The following TRHDE variants were observed in gnomAD, a reference collection of about 807,000 sequenced individuals.
The protein encoded by TRHDE is thyrotropin-releasing hormone-degrading ectoenzyme.
Under a neutral mutation model 125.7 loss-of-function variants are expected in TRHDE, and 72 were observed. The observed-to-expected ratio is 0.57, with a 90% CI of 0.47 to 0.70. The LOEUF (loss-of-function observed/expected upper bound fraction) is 0.70, where lower values mean the gene tolerates loss of function less well. Ranked by LOEUF, TRHDE falls within the 30% of genes least tolerant of loss-of-function variation. The pLI, the probability that TRHDE is intolerant of heterozygous loss-of-function variation, is 0.00. For synonymous variants in TRHDE, 509 were observed against 509.1 expected (o/e 1.00, Z 0.00); for missense variants, 1,110 against 1,327.1 (o/e 0.84, Z 2.54).
chr12:72,312,078 A>G (rs1467818379), intron 2 of TRHDE, among the ~76,000 whole-genome samples: 2 of 152,210 alleles, frequency 1.3e-5, no homozygotes, highest in Non-Finnish European at 2.9e-5. Flanking sequence ...ATCCTCACAA[A>G]AACCCTGAGA....
At chr12:72,654,453 C>G (rs1401405017) in intron 17 of TRHDE, among the ~76,000 whole-genome samples, 1 of 152,130 alleles carries the variant, frequency 6.6e-6, no homozygotes, top group Non-Finnish European at 1.5e-5. Flanking sequence ...TCCCACTCTG[C>G]AAGTTCTTCC....
At chr12:72,392,777 G>A (rs1872656181) in intron 3 of TRHDE, among the ~76,000 whole-genome samples, 1 of 152,098 alleles carries the variant, frequency 6.6e-6, no homozygotes, top group Non-Finnish European at 1.5e-5. Flanking sequence ...ACAAATCTCT[G>A]AAAGGCACTT....
At chr12:72,213,860 G>T (rs1322924811) in intron 2 of TRHDE, among the ~76,000 whole-genome samples, 2 of 152,064 alleles carry the variant, frequency 1.3e-5, no homozygotes, top group East Asian at 3.8e-4. Flanking sequence ...AACTGAGGGG[G>T]AAAATGAGCT....
intron 10 of TRHDE, among the ~76,000 whole-genome samples, chr12:72,568,968 C>A (rs1395825966): frequency 6.6e-6 from 1 of 151,936 alleles, no homozygotes; most frequent in Non-Finnish European, 1.5e-5. Context: ...ATAATTATAA[C>A]CTCAAAGAGA....
chr12:72,569,316 A>G (rs1468499613), intron 10 of TRHDE, among the ~76,000 whole-genome samples: 1 of 152,170 alleles, frequency 6.6e-6, no homozygotes, highest in Non-Finnish European at 1.5e-5. Context: ...TCTGTTTTCC[A>G]CTGAGTTAGA....
chr12:72,658,392 C>G (rs999285399), intron 18 of TRHDE, among the ~76,000 whole-genome samples: 3 of 152,120 alleles, frequency 2.0e-5, no homozygotes, highest in Non-Finnish European at 4.4e-5. Flanking sequence ...GAAGTGAGCA[C>G]AGAGCAAAAT....
chr12:72,275,647 C>G (rs913862780), intron 1 of TRHDE, among the ~76,000 whole-genome samples: 2 of 151,938 alleles, frequency 1.3e-5, no homozygotes, highest in African/African-American at 4.8e-5. Flanking sequence ...TTTGAAAAAT[C>G]CTGTTTTTTG....
chr12:72,466,709 C>T (rs1343255482), intron 3 of TRHDE, among the ~76,000 whole-genome samples: 1 of 152,144 alleles, frequency 6.6e-6, no homozygotes, highest in African/African-American at 2.4e-5. Context: ...CATTTGTTGT[C>T]GTCTCTTAGA....
intron 2 of TRHDE, among the ~76,000 whole-genome samples, chr12:72,115,471 C>T (rs1378510382): frequency 6.6e-6 from 1 of 152,034 alleles, no homozygotes; most frequent in Non-Finnish European, 1.5e-5. Context: ...TAGGTTGCTT[C>T]CAAATCTTGG....
intron 2 of TRHDE, among the ~76,000 whole-genome samples, chr12:72,307,792 T>G (rs1868371115): frequency 6.6e-6 from 1 of 152,186 alleles, no homozygotes; most frequent in Non-Finnish European, 1.5e-5. Flanking sequence ...ATCAGCTCAA[T>G]TTAAACTAAG....
chr12:72,158,040 T>C (rs1310265467), intron 2 of TRHDE, among the ~76,000 whole-genome samples: 1 of 152,074 alleles, frequency 6.6e-6, no homozygotes, highest in Non-Finnish European at 1.5e-5. Context: ...TGGGGAGTCA[T>C]ATAGGAAGAG....
chr12:72,422,345 T>G (rs1394315620), intron 3 of TRHDE, among the ~76,000 whole-genome samples: 2 of 152,178 alleles, frequency 1.3e-5, no homozygotes, highest in Non-Finnish European at 2.9e-5. Context: ...TTGCATTCCC[T>G]ACACAATCCT....
intron 15 of TRHDE, among the ~76,000 whole-genome samples, chr12:72,631,916 T>TAG (rs1376908446): frequency 2.0e-5 from 3 of 151,960 alleles, no homozygotes; most frequent in African/African-American, 7.2e-5. Context: ...GACAGTTCAT[T>TAG]AGAGATTAAG....
chr12:72,171,779 C>G (rs1876880122), intron 2 of TRHDE, among the ~76,000 whole-genome samples: 1 of 152,232 alleles, frequency 6.6e-6, no homozygotes, highest in South Asian at 2.1e-4. Context: ...CCTATGTTTC[C>G]CAAGAGCTCT....
intron 2 of TRHDE, chr12:72,257,623 T>A (rs1205324216): frequency 6.6e-6 from 1 of 152,196 alleles, no homozygotes; most frequent in African/African-American, 2.4e-5. Context: ...TGAATATTGC[T>A]GGAGATTTTA....
chr12:72,433,664 A>G (rs2135845932), intron 3 of TRHDE, among the ~76,000 whole-genome samples: 1 of 152,222 alleles, frequency 6.6e-6, no homozygotes, highest in African/African-American at 2.4e-5. Flanking sequence ...TCTCACACAT[A>G]CAAAAGCTAC....
chr12:72,578,388 T>C (rs1592549904), intron 12 of TRHDE, among the ~76,000 whole-genome samples: 1 of 152,266 alleles, frequency 6.6e-6, no homozygotes, highest in East Asian at 1.9e-4. Flanking sequence ...AAGAGTGACT[T>C]CGCCCATTAC....
At chr12:72,099,169 A>T (rs1383959904) in intron 1 of TRHDE, among the ~76,000 whole-genome samples, 2 of 151,914 alleles carry the variant, frequency 1.3e-5, no homozygotes, top group Non-Finnish European at 2.9e-5. Context: ...GTCAAGAAAA[A>T]AAAAAAGACA....
chr12:72,278,369 G>A (rs372508998), intron 1 of TRHDE, among the ~76,000 whole-genome samples: 1 of 151,914 alleles, frequency 6.6e-6, no homozygotes, highest in Non-Finnish European at 1.5e-5. Flanking sequence ...TCTGTATCTC[G>A]GCTACTGTGA....
Sources: allele counts gnomAD v4.1 joint callset (sites outside exome capture counted in the v4.1 genomes callset), GRCh38; gene constraint gnomAD v4.1.1; transcripts MANE v1.5; gene names NCBI Gene and HGNC (gene_info 2026-07-23, HGNC 2026-07-21).